Variants in CEP170 observed in about 807,000 individuals in gnomAD.
CEP170 encodes the protein centrosomal protein of 170 kDa.
A neutral mutation model predicts 151.9 loss-of-function variants in CEP170; 21 were observed. That is an observed-to-expected ratio of 0.14 (90% CI 0.10 to 0.20). The LOEUF is 0.20. Ranked by LOEUF, CEP170 falls within the 10% of genes least tolerant of loss-of-function variation. The pLI, the probability that CEP170 is intolerant of heterozygous loss-of-function variation, is 1.00. For synonymous variants in CEP170, 356 were observed against 648.8 expected (o/e 0.55, Z 6.86); for missense variants, 964 against 1,892.9 (o/e 0.51, Z 9.11).
chr1:243,242,221 G>A (rs1012507384), intron 1 of CEP170, among the ~76,000 whole-genome samples: 4 of 151,946 alleles, frequency 2.6e-5, no homozygotes, highest in Admixed American at 2.6e-4. Flanking sequence ...GATGAGTTAT[G>A]TTCTTTTTTC....
intron 8 of CEP170, 104 bp from the exon 9 acceptor site, chr1:243,186,526 C>T: frequency 1.6e-6 from 2 of 1,228,038 alleles, no homozygotes; most frequent in Non-Finnish European, 2.2e-6. Flanking sequence ...TCCTCCTTTT[C>T]AATCCAAAGT....
At chr1:243,147,544 C>T (rs1242445182) in intron 14 of CEP170, among the ~76,000 whole-genome samples, 1 of 152,070 alleles carries the variant, frequency 6.6e-6, no homozygotes, top group Non-Finnish European at 1.5e-5. Flanking sequence ...TATCTTAAAC[C>T]ATGACTTTCA....
intron 1 of CEP170, among the ~76,000 whole-genome samples, chr1:243,246,478 G>C (rs369996338): frequency 1.2e-4 from 18 of 152,088 alleles, no homozygotes; most frequent in African/African-American, 4.3e-4. Flanking sequence ...GTGATCTGCT[G>C]GCTTCGGCCT....
rs2059884139 is a variant in CEP170 at position 243,185,463 on chromosome 1, T to G, written c.1566+316A>C. 6.6e-6 allele frequency among the ~76,000 whole-genome samples: 1 copy of G among 152,222 alleles called. No homozygotes were observed. Among genetic ancestry groups the G allele is most frequent in the Non-Finnish European group, 1.5e-5 (1 of 68,030 alleles). On this transcript the variant is annotated intron_variant, in intron 10 of 19. Transcript: ENST00000366542. This position sits in a 1 kb window ranked among gnomAD's most constrained non-coding sequence, Gnocchi z 4.9. ...TTTGTTGGTTGTTTCTTTTTATTTT[T>G]TAAGCAAATGCAAAGCAAGAATGTC...
intron 7 of CEP170, among the ~76,000 whole-genome samples, chr1:243,192,187 A>C (rs2060347356): frequency 6.6e-6 from 1 of 152,182 alleles, no homozygotes; most frequent in South Asian, 2.1e-4. Flanking sequence ...AAAATAGGAA[A>C]TTCAGTTTCC....
At position 243,126,446 on chromosome 1, in the gene CEP170, A is replaced by C. The variant is rs752389204; in HGVS notation, c.*3T>G. 3.7e-6 allele frequency: 6 copies of C among 1,602,286 alleles called. No individual in the cohort carries two copies. In the Admixed American group the frequency reaches 8.5e-5, roughly 23 times the overall value. ...TAATGATTTTTCAACAATCAAGAGAAAGTCATTCTTGTACTGTAACATCTT... is the reference window on the plus strand; with the variant it reads ...TAATGATTTTTCAACAATCAAGAGACAGTCATTCTTGTACTGTAACATCTT... On this transcript the variant is annotated 3_prime_UTR_variant, in exon 20 of 20. Coordinates refer to ENST00000366542, the MANE Select transcript of CEP170 (RefSeq NM_014812.3).
intron 12 of CEP170, among the ~76,000 whole-genome samples, chr1:243,166,949 TA>T (rs1222931935): frequency 6.6e-6 from 1 of 152,250 alleles, no homozygotes; most frequent in East Asian, 1.9e-4. Flanking sequence ...ACTATAGTCA[TA>T]ATGGTATAAA....
intron 10 of CEP170, among the ~76,000 whole-genome samples, chr1:243,173,110 G>A (rs976427257): frequency 6.6e-6 from 1 of 151,856 alleles, no homozygotes; most frequent in African/African-American, 2.4e-5. Context: ...GCCCAGGCTG[G>A]AGTACAGTGG....
chr1:243,153,543 T>C (rs867364392), intron 14 of CEP170, among the ~76,000 whole-genome samples: 10 of 151,958 alleles, frequency 6.6e-5, no homozygotes, highest in Middle Eastern at 3.5e-3. Context: ...CTTGAATAAG[T>C]CCACAGTCAT....
At chr1:243,184,330 C>G (rs537013645) in intron 10 of CEP170, among the ~76,000 whole-genome samples, 1 of 151,922 alleles carries the variant, frequency 6.6e-6, no homozygotes, top group Non-Finnish European at 1.5e-5. Flanking sequence ...TTACAAGGGT[C>G]CATGTTCTTA....
At chr1:243,195,049 A>G (rs1021577795) in intron 7 of CEP170, among the ~76,000 whole-genome samples, 3 of 151,884 alleles carry the variant, frequency 2.0e-5, no homozygotes, top group African/African-American at 7.2e-5. Flanking sequence ...ATGAAATATT[A>G]AACTTATTTG....
intron 1 of CEP170, among the ~76,000 whole-genome samples, chr1:243,236,661 G>C (rs1346878563): frequency 2.0e-5 from 3 of 152,106 alleles, no homozygotes; most frequent in Admixed American, 6.6e-5. Flanking sequence ...GACTCTGAAA[G>C]AATAGTAAAC....
intron 13 of CEP170, chr1:243,156,761 C>T (rs958985007): frequency 4.3e-6 from 1 of 230,498 alleles, no homozygotes; most frequent in African/African-American, 2.3e-5. Flanking sequence ...CTCTATCCAT[C>T]GATGTTTAAC....
In CEP170 at chr1:243,210,608, A is replaced by ATTTTTT. The variant is rs751388751; in HGVS notation, c.274+1272_274+1277dup. On this transcript the variant is annotated intron_variant, in intron 4 of 19. Coordinates refer to ENST00000366542, the MANE Select transcript of CEP170 (RefSeq NM_014812.3). ...AAAAATTGTAATATTATTTTTCGTAATTTTTTTTTTTTTTTTTTTTTTTTT... is the reference window on the plus strand; with the variant it reads ...AAAAATTGTAATATTATTTTTCGTAATTTTTTTTTTTTTTTTTTTTTTTTTTTTTTT... 2.6e-3 allele frequency among the ~76,000 whole-genome samples: 175 copies of ATTTTTT among 67,954 alleles called. 5 individuals carry two copies. The highest frequency in any genetic ancestry group is 2.6e-3 in the African/African-American group (44 of 16,824). The allele number at this position is 67,954 out of a possible 152,430, so 44.6% of individuals were successfully genotyped here.
intron 7 of CEP170, among the ~76,000 whole-genome samples, chr1:243,195,484 G>A (rs551542323): frequency 1.3e-5 from 2 of 151,856 alleles, no homozygotes; most frequent in African/African-American, 2.4e-5. Context: ...GCAAGTCTTC[G>A]GGAGTTTCTG....
intron 1 of CEP170, among the ~76,000 whole-genome samples, chr1:243,242,048 A>G (rs1461792381): frequency 6.6e-6 from 1 of 152,136 alleles, no homozygotes; most frequent in Non-Finnish European, 1.5e-5. Context: ...TAGAAATCCT[A>G]GTGGTAAAAA....
At chr1:243,250,639 T>C (rs1191537265) in intron 1 of CEP170, among the ~76,000 whole-genome samples, 1 of 152,238 alleles carries the variant, frequency 6.6e-6, no homozygotes. Flanking sequence ...TATCATTACT[T>C]AATAGGTGTT....
chr1:243,191,786 A>G (rs1331364791), intron 7 of CEP170, among the ~76,000 whole-genome samples: 2 of 152,150 alleles, frequency 1.3e-5, no homozygotes, highest in African/African-American at 4.8e-5. Flanking sequence ...ATTTTTTCCA[A>G]CCTGGATCTA....
Position 243,172,753 on chromosome 1 carries a change from C to T in CEP170, c.1660G>A (p.Ala554Thr), listed in dbSNP as rs979341249. The change falls in exon 11 of 20, where the codon GCA (alanine) becomes ACA (threonine). Residue 554 changes from alanine (A) to threonine (T), a missense_variant. Coordinates refer to ENST00000366542, the MANE Select transcript of CEP170 (RefSeq NM_014812.3). ...GGTTTTCTTTCTTCCATTACTGCTGCAGCAGAACTGAGAGCCCAATCTTTT... is the reference window on the plus strand; with the variant it reads ...GGTTTTCTTTCTTCCATTACTGCTGTAGCAGAACTGAGAGCCCAATCTTTT... ...LIKDWALSSA[A>T]AVMEERKPLT... 1.9e-6 allele frequency: 3 copies of T among 1,579,862 alleles called. No individual in the cohort carries two copies. Among genetic ancestry groups the T allele is most frequent in the South Asian group, 2.3e-5 (2 of 86,058 alleles).
Sources: gnomAD v4.1 joint callset for allele counts (sites outside exome capture counted in the v4.1 genomes callset) on GRCh38, gnomAD v4.1.1 for gene constraint, Gnocchi (gnomAD v3.1) non-coding constraint, MANE v1.5 for transcripts, NCBI Gene and HGNC (gene_info 2026-07-23, HGNC 2026-07-21) for gene names.